Variants in TRMT6 observed in about 807,000 individuals in gnomAD.
TRMT6 encodes the protein tRNA methyltransferase 6 non-catalytic subunit.
A neutral mutation model predicts 59.0 loss-of-function variants in TRMT6; 34 were observed. The observed-to-expected ratio is 0.58, with a 90% CI of 0.44 to 0.77. The LOEUF (loss-of-function observed/expected upper bound fraction) is 0.77. Ranked by LOEUF, TRMT6 falls within the 30% of genes least tolerant of loss-of-function variation. The pLI, the probability that TRMT6 is intolerant of heterozygous loss-of-function variation, is 0.00. For synonymous variants in TRMT6, 217 were observed against 210.5 expected (o/e 1.03, Z -0.27); for missense variants, 575 against 604.5 (o/e 0.95, Z 0.51).
intron 1 of TRMT6, among the ~76,000 whole-genome samples, chr20:5,948,285 G>A (rs6139878): frequency 0.067 from 10,172 of 152,220 alleles, 400 homozygotes; most frequent in Non-Finnish European, 0.096. Flanking sequence ...CCCCGTTAGA[G>A]GGATAAGGAG....
Position 5,944,210 on chromosome 20 carries a change from T to C in TRMT6, c.410A>G (p.Asp137Gly). ...QLIENSTTFR[D>G]KTEFAQDKYI... is the part of the protein sequence containing the mutation. ...TTTATCTTGGGCAAATTCTGTCTTG[T>C]CTCGGAATGTTGTACTATTTTCAAT... The change falls in exon 4 of 11, where the codon GAC (aspartate) becomes GGC (glycine). Residue 137 changes from aspartate (D) to glycine (G), a missense_variant. By Grantham distance (94) the Asp-to-Gly change is moderately conservative. Transcript: ENST00000203001. 6.4e-7 allele frequency: 1 copy of C among 1,573,062 alleles called. No homozygotes were observed.
At chr20:5,943,364 G>T (rs560385413) in intron 6 of TRMT6, among the ~76,000 whole-genome samples, 195 bp downstream of exon 6, 9 of 152,258 alleles carry the variant, frequency 5.9e-5, no homozygotes, top group African/African-American at 2.2e-4. Context: ...TGGGTTTGGG[G>T]GTACCCATGG....
intron 3 of TRMT6, 142 bp from the exon 4 acceptor site, chr20:5,944,395 A>G (rs936550626): frequency 1.9e-6 from 1 of 529,396 alleles, no homozygotes; most frequent in Non-Finnish European, 3.3e-6. Flanking sequence ...GATGAACTTT[A>G]TATTTCTATA....
At chr20:5,940,112 C>T (rs2088643275) in intron 10 of TRMT6, among the ~76,000 whole-genome samples, 1 of 152,212 alleles carries the variant, frequency 6.6e-6, no homozygotes, top group African/African-American at 2.4e-5. Flanking sequence ...CGCCATCAGC[C>T]TCATGGAGAC....
In TRMT6 at chr20:5,944,902, G is replaced by A. The variant is rs531944231; in HGVS notation, c.269C>T (p.Ala90Val). Residue 90 changes from alanine (A) to valine (V), a missense_variant, in exon 3 of 11, where the codon GCG becomes GTG. Ala to Val is a moderately conservative substitution (Grantham distance 64, BLOSUM62 0). Coordinates refer to ENST00000203001, the MANE Select transcript of TRMT6 (RefSeq NM_015939.5). ...REEPTAETKE[A>V]GTDNRNIVDD... The stretch of plus-strand genomic sequence containing the variant: ...AACTATATTTCGATTATCAGTGCCC[G>A]CTTCTTTAGTCTCTAAGGAAAGAAA... 10 of 1,611,592 alleles carry A rather than the reference G, an allele frequency of 6.2e-6. No individual in the cohort carries two copies. Among genetic ancestry groups the A allele is most frequent in the Admixed American group, 3.3e-5 (2 of 59,882 alleles).
chr20:5,941,065 G>C lies in TRMT6; in HGVS notation c.1290C>G (p.Leu430=), dbSNP rs1568557706. The C allele has an allele frequency of 6.2e-7, 1 of 1,614,028 alleles. No individual in the cohort carries two copies. Among genetic ancestry groups the C allele is most frequent in the Non-Finnish European group, 8.5e-7 (1 of 1,179,882 alleles). Residue 430 remains leucine, a synonymous_variant, in exon 10 of 11, where the codon CTC becomes CTG. Transcript: ENST00000203001. ...VINLRLSETW[L]RNYQVLPDRS... ...TAAGAACACGTACCTGATAATTTCTGAGCCAGGTTTCAGACAGCCTGAGGT... is the reference window on the plus strand; with the variant it reads ...TAAGAACACGTACCTGATAATTTCTCAGCCAGGTTTCAGACAGCCTGAGGT...
chr20:5,941,597 T>TA (rs73616177), intron 8 of TRMT6: 231 of 545,300 alleles, frequency 4.2e-4, no homozygotes, highest in Non-Finnish European at 6.2e-4. Context: ...CTTGATTTTT[T>TA]AAAAAAAATC....
rs913806021 is a variant in TRMT6 at position 5,944,747 on chromosome 20, AAC to A, written c.366+56_366+57del. On this transcript the variant is annotated intron_variant, in intron 3 of 10. Coordinates refer to ENST00000203001, the MANE Select transcript of TRMT6 (RefSeq NM_015939.5). ...TAGGTACAGTCTGCTTTAAAAACCC[AAC>A]AGTTTCCTAAATGCCAAACAGACAA... 104 of 1,388,246 alleles carry A rather than the reference AAC, an allele frequency of 7.5e-5. 1 individual carries two copies. In the African/African-American group the frequency reaches 1.2e-3, roughly 17 times the overall value. The allele number at this position is 1,388,246 out of a possible 1,614,324, so 86.0% of individuals were successfully genotyped here. A position where few individuals can be genotyped will look rare whatever the true frequency, so the allele number is the denominator to read the frequency against.
In TRMT6 at chr20:5,943,680, G is replaced by A. The variant is rs752056178; in HGVS notation, c.546C>T (p.His182=). Residue 182 remains histidine, a synonymous_variant, in exon 6 of 11, where the codon CAC becomes CAT. Transcript: ENST00000203001. ...TCTGGGCTAGTGTATCGTATCTCAT[G>A]TGGCTAAAGTAAAAACAATAATTTG... ...YYAREPGKIN[H]MRYDTLAQML... 6.2e-7 allele frequency: 1 copy of A among 1,611,384 alleles called. No homozygotes were observed. The highest frequency in any genetic ancestry group is 8.5e-7 in the Non-Finnish European group (1 of 1,179,258).
intron 1 of TRMT6, among the ~76,000 whole-genome samples, chr20:5,948,430 G>A (rs2088727436): frequency 6.6e-6 from 1 of 152,216 alleles, no homozygotes; most frequent in African/African-American, 2.4e-5. Flanking sequence ...GCTGAGCTGA[G>A]AGAGTCATTT....
In TRMT6 at chr20:5,938,746, C is replaced by T. The variant is rs748495300; in HGVS notation, c.1303-20G>A. 6.8e-6 allele frequency: 11 copies of T among 1,608,358 alleles called. No homozygotes were observed. The South Asian group carries it at 1.1e-4, about 16-fold the overall frequency. On this transcript the variant is annotated intron_variant, in intron 10 of 10. Transcript: ENST00000203001. ...CAAAACCTAATCAAGACAGAAAAGA[C>T]ATTCATGCTTTCCTAAGACAATAAA...
chr20:5,942,288 T>G, intron 7 of TRMT6, 140 bp downstream of exon 7: 1 of 842,894 alleles, frequency 1.2e-6, no homozygotes, highest in Admixed American at 1.9e-5. Context: ...TTTGTATACA[T>G]GTACACACAC....
intron 10 of TRMT6, among the ~76,000 whole-genome samples, chr20:5,939,041 G>A (rs1287562863): frequency 6.6e-6 from 1 of 151,978 alleles, no homozygotes; most frequent in Non-Finnish European, 1.5e-5. Context: ...GGCCTCAAGT[G>A]AACCTCCCAC....
Position 5,938,705 on chromosome 20 carries a change from G to A in TRMT6, c.1324C>T (p.Pro442Ser). 1 of 1,614,136 alleles carries A rather than the reference G, an allele frequency of 6.2e-7. No individual in the cohort carries two copies. The highest frequency in any genetic ancestry group is 8.5e-7 in the Non-Finnish European group (1 of 1,180,016). ...NYQVLPDRSH[P>S]KLLMSGGGGY... is the part of the protein sequence containing the mutation. ...CCACCTCCACTCATCAGCAGTTTAG[G>A]ATGACTTCGATCTGGCAAAACCTAA... Residue 442 changes from proline (P) to serine (S), a missense_variant, in exon 11 of 11, where the codon CCT (proline) becomes TCT (serine). Transcript: ENST00000203001.
chr20:5,947,096 G>A (rs576417134), intron 1 of TRMT6, among the ~76,000 whole-genome samples: 5 of 152,244 alleles, frequency 3.3e-5, no homozygotes, highest in Admixed American at 1.3e-4. Context: ...TAATTCTCAC[G>A]GTAATCCTGG....
At chr20:5,945,973 A>G (rs2088702064) in intron 2 of TRMT6, among the ~76,000 whole-genome samples, 1 of 152,216 alleles carries the variant, frequency 6.6e-6, no homozygotes, top group Non-Finnish European at 1.5e-5. Context: ...TAAGGATATA[A>G]GACTCACAGA....
At chr20:5,948,549 A>G (rs1387719878) in intron 1 of TRMT6, among the ~76,000 whole-genome samples, 1 of 152,162 alleles carries the variant, frequency 6.6e-6, no homozygotes. Context: ...TTTTGGCACC[A>G]CAAAAGGGGA....
At position 5,938,606 on chromosome 20, in the gene TRMT6, T is replaced by G; in HGVS notation, c.1423A>C (p.Ser475Arg). 6.2e-7 allele frequency: 1 copy of G among 1,614,260 alleles called. No homozygotes were observed. Residue 475 changes from serine (S) to arginine (R), a missense_variant, in exon 11 of 11, where the codon AGC (serine) becomes CGC (arginine). Coordinates refer to ENST00000203001, the MANE Select transcript of TRMT6 (RefSeq NM_015939.5). ...TCAGTCTCGTGTGATTCTAAAGTGC[T>G]TGCATTAGATTTGAGGCTGGTGTCT... is the stretch of plus-strand genomic sequence containing the variant. ...KADTSLKSNA[S>R]TLESHETEEP...
chr20:5,938,272 T>C lies in TRMT6; in HGVS notation c.*263A>G, dbSNP rs762672850. 1.9e-4 allele frequency: 67 copies of C among 345,934 alleles called. No homozygotes were observed. Among genetic ancestry groups the C allele is most frequent in the Non-Finnish European group, 2.6e-4 (49 of 191,818 alleles). 21.4% of individuals were successfully genotyped at this position (345,934 alleles called of 1,614,324 possible). A position where few individuals can be genotyped will look rare whatever the true frequency, so the allele number is the denominator to read the frequency against. On this transcript the variant is annotated 3_prime_UTR_variant, in exon 11 of 11. Transcript: ENST00000203001. ...TAGGATGTTGAAGTTCTCAAGATAT[T>C]TGCACAGAATATTTAGAAGTACTTA...
Sources: allele counts gnomAD v4.1 joint callset (sites outside exome capture counted in the v4.1 genomes callset), GRCh38; gene constraint gnomAD v4.1.1; transcripts MANE v1.5; gene names NCBI Gene and HGNC (gene_info 2026-07-23, HGNC 2026-07-21).